Variants in HIVEP2 observed in about 807,000 individuals in gnomAD.
HIVEP2 encodes transcription factor HIVEP2.
Under a neutral mutation model 180.7 loss-of-function variants are expected in HIVEP2, and 14 were observed. The ratio of observed to expected loss-of-function variants is 0.08; its 90% confidence interval spans 0.05 to 0.12. The LOEUF (loss-of-function observed/expected upper bound fraction) is 0.12. Among genes scored for constraint, HIVEP2 ranks in the 10% least tolerant of loss-of-function variants. The pLI, the probability that HIVEP2 is intolerant of heterozygous loss-of-function variation, is 1.00. For missense variants in HIVEP2, 2,579 were observed against 3,008.5 expected, an observed-to-expected ratio of 0.86 and a Z score of 3.34; for synonymous variants, 1,184 against 1,136.4, an observed-to-expected ratio of 1.04 and a Z score of -0.84.
intron 2 of HIVEP2, among the ~76,000 whole-genome samples, chr6:142,797,154 T>C (rs1488906825): frequency 6.6e-6 from 1 of 152,150 alleles, no homozygotes; most frequent in East Asian, 1.9e-4. Flanking sequence ...TTTTTCTTTT[T>C]TTGATGTTTC....
rs140651676 is a variant in HIVEP2, at chr6:142,779,958, G to A, written c.-433+3563C>T. Among the ~76,000 whole-genome samples, 332 of 152,220 alleles carry A rather than the reference G, an allele frequency of 2.2e-3. 1 individual carries two copies. The highest frequency in any genetic ancestry group is 3.8e-3 in the Non-Finnish European group (256 of 68,006). On this transcript the variant is annotated intron_variant, in intron 3 of 9. Transcript: ENST00000367603. ...ATACCTCATGGTCAGAACAAAACAT[G>A]TCTAGACCATTAAGTTAATTGTTTA...
At position 142,760,546 on chromosome 6, in the gene HIVEP2, A is replaced by G. The variant is rs777569230; in HGVS notation, c.5742T>C (p.Asp1914=). The change falls in exon 9 of 10, where the codon GAT becomes GAC. Residue 1914 remains aspartate, a synonymous_variant. Transcript: ENST00000367603. ...DGEDGDDNDD[D]DEDEDDFDDQ... ...CGTCAAAGTCATCTTCATCTTCATC[A>G]TCATCATCATTATCATCTCCATCCT... 6.2e-7 allele frequency: 1 copy of G among 1,613,744 alleles called. No homozygotes were observed. Among genetic ancestry groups the G allele is most frequent in the African/African-American group, 1.3e-5 (1 of 74,898 alleles).
chr6:142,917,201 C>T (rs1232810754), intron 1 of HIVEP2, among the ~76,000 whole-genome samples: 1 of 152,176 alleles, frequency 6.6e-6, no homozygotes, highest in East Asian at 1.9e-4. Context: ...CTAACAGTTT[C>T]GTATGTGATG....
chr6:142,883,850 T>C (rs989521447), intron 1 of HIVEP2, among the ~76,000 whole-genome samples: 1 of 152,202 alleles, frequency 6.6e-6, no homozygotes, highest in Non-Finnish European at 1.5e-5. Context: ...GCTTTATCTT[T>C]TGCAAATTTC....
intron 1 of HIVEP2, among the ~76,000 whole-genome samples, chr6:142,904,277 A>G (rs1452666417): frequency 6.6e-6 from 1 of 152,190 alleles, no homozygotes; most frequent in Non-Finnish European, 1.5e-5. Flanking sequence ...TTATTTACCC[A>G]TCTGTTTTAT....
intron 3 of HIVEP2, among the ~76,000 whole-genome samples, chr6:142,780,333 C>T (rs1037338313): frequency 2.0e-5 from 3 of 152,190 alleles, no homozygotes; most frequent in Non-Finnish European, 4.4e-5. Context: ...CTCTGATCCA[C>T]AATGTCTAGT....
intron 1 of HIVEP2, among the ~76,000 whole-genome samples, chr6:142,862,056 A>G (rs979794626): frequency 2.0e-5 from 3 of 152,208 alleles, no homozygotes; most frequent in Non-Finnish European, 4.4e-5. Context: ...TTATAAAGTT[A>G]GAGTGGCACA....
intron 1 of HIVEP2, among the ~76,000 whole-genome samples, chr6:142,911,817 T>C (rs1174741446): frequency 2.0e-5 from 3 of 152,244 alleles, no homozygotes; most frequent in Non-Finnish European, 2.9e-5. Flanking sequence ...TATGTGTGCA[T>C]GCATGTAGAT....
intron 1 of HIVEP2, among the ~76,000 whole-genome samples, chr6:142,909,224 T>C (rs1407091847): frequency 6.6e-6 from 1 of 152,130 alleles, no homozygotes; most frequent in Non-Finnish European, 1.5e-5. Flanking sequence ...CAATTAACTA[T>C]AAAAGCATTA....
At chr6:142,925,376 C>T (rs1013586936) in intron 1 of HIVEP2, among the ~76,000 whole-genome samples, 4 of 152,132 alleles carry the variant, frequency 2.6e-5, no homozygotes, top group African/African-American at 7.2e-5. Context: ...TCTTAATCTC[C>T]AATTTTATTT....
At chr6:142,922,391 T>A (rs12201590) in intron 1 of HIVEP2, among the ~76,000 whole-genome samples, 6,824 of 152,284 alleles carry the variant, frequency 0.045, 207 homozygotes, top group Middle Eastern at 0.088. Context: ...CTATGATGTC[T>A]TTGGGGATAG....
rs1328579888 is a variant in HIVEP2, at chr6:142,793,186, A to C, written c.-527-9571T>G. On this transcript the variant is annotated intron_variant, in intron 2 of 9. Coordinates refer to ENST00000367603, the MANE Select transcript of HIVEP2 (RefSeq NM_006734.4). Reference sequence around the variant, plus strand: ...TCTTTTATTCTAAAATAAAACTCTTAAGATGATTAACTATAAGCTATTATG... The same window carrying C: ...TCTTTTATTCTAAAATAAAACTCTTCAGATGATTAACTATAAGCTATTATG... Among the ~76,000 whole-genome samples the C allele has an allele frequency of 2.0e-5, 3 of 152,326 alleles. No individual in the cohort carries two copies. The East Asian group carries it at 5.8e-4, about 29-fold the overall frequency.
Position 142,771,409 on chromosome 6 carries a change from G to T in HIVEP2, c.3330C>A (p.His1110Gln). The change falls in exon 5 of 10, where the codon CAC (histidine) becomes CAA (glutamine). Residue 1110 changes from histidine (H) to glutamine (Q), a missense_variant. Around this residue, in one of 11 missense-constraint regions of HIVEP2, gnomAD observed 523 missense variants for 577.0 expected, o/e 0.91. Coordinates refer to ENST00000367603, the MANE Select transcript of HIVEP2 (RefSeq NM_006734.4). This position sits in a 1 kb window ranked among gnomAD's most constrained non-coding sequence, Gnocchi z 5.4. ...ACCCGGACCGGAGGCCAGCATGCAG[G>T]TGCTCCAGCTGCTCTTGCTTCACGC... ...DQSVKQEQLE[H>Q]LHAGLRSGWH... is the part of the protein sequence containing the mutation. 6.2e-7 allele frequency: 1 copy of T among 1,613,380 alleles called. No homozygotes were observed. The highest frequency in any genetic ancestry group is 8.5e-7 in the Non-Finnish European group (1 of 1,180,002).
intron 1 of HIVEP2, among the ~76,000 whole-genome samples, chr6:142,901,925 A>C (rs1294324473): frequency 6.6e-6 from 1 of 152,244 alleles, no homozygotes; most frequent in East Asian, 1.9e-4. Flanking sequence ...ACTAAGCTAC[A>C]CACAATATTA....
In HIVEP2 at chr6:142,820,959, AT is replaced by A. The variant is rs113964006; in HGVS notation, c.-528+15975del. 1.2e-3 allele frequency among the ~76,000 whole-genome samples: 183 copies of A among 150,008 alleles called. 3 individuals carry two copies. Among genetic ancestry groups the A allele is most frequent in the African/African-American group, 3.6e-3 (147 of 40,922 alleles). On this transcript the variant is annotated intron_variant, in intron 2 of 9. Coordinates refer to ENST00000367603, the MANE Select transcript of HIVEP2 (RefSeq NM_006734.4). ...TTCAAGAAGAGAAACACTAACAAAC[AT>A]TTTTTTTTTCAAAACACAAGAATTC...
At chr6:142,839,225 T>C (rs1461624111) in intron 1 of HIVEP2, among the ~76,000 whole-genome samples, 2 of 152,018 alleles carry the variant, frequency 1.3e-5, no homozygotes, top group Non-Finnish European at 2.9e-5. Context: ...CCACATATAA[T>C]GAAAGGAAAA....
Position 142,834,863 on chromosome 6 carries a change from T to G in HIVEP2, c.-528+2072A>C, listed in dbSNP as rs573985499. Among the ~76,000 whole-genome samples, 5 of 152,260 alleles carry G rather than the reference T, an allele frequency of 3.3e-5. No homozygotes were observed. The East Asian group carries it at 9.6e-4, about 29-fold the overall frequency. On this transcript the variant is annotated intron_variant, in intron 2 of 9. Transcript: ENST00000367603. Reference sequence around the variant, plus strand: ...AAAAAAAAACCCTCATTTGGGCTAATGCACAGGGCCAGGTTCACTGATAAA... The same window carrying G: ...AAAAAAAAACCCTCATTTGGGCTAAGGCACAGGGCCAGGTTCACTGATAAA...
rs553880370 is a variant in HIVEP2, at chr6:142,905,842, G to T, written c.-641+39257C>A. Among the ~76,000 whole-genome samples, 151 of 152,296 alleles carry T rather than the reference G, an allele frequency of 9.9e-4. No homozygotes were observed. The Middle Eastern group carries it at 0.024, about 24-fold the overall frequency. Reference sequence around the variant, plus strand: ...TAGACCAAGAAGCAACATAAAAAATGATAATCAGTCCGGGCGTGGTGGCTC... The same window carrying T: ...TAGACCAAGAAGCAACATAAAAAATTATAATCAGTCCGGGCGTGGTGGCTC... On this transcript the variant is annotated intron_variant, in intron 1 of 9. Transcript: ENST00000367603.
intron 1 of HIVEP2, among the ~76,000 whole-genome samples, chr6:142,900,109 T>C (rs1777096150): frequency 6.6e-6 from 1 of 152,232 alleles, no homozygotes; most frequent in African/African-American, 2.4e-5. Context: ...TAGAGCAGAA[T>C]ATTCCATGTA....
Sources: allele counts gnomAD v4.1 joint callset (sites outside exome capture counted in the v4.1 genomes callset), GRCh38; gene constraint gnomAD v4.1.1; regional missense constraint gnomAD v4.1.1; non-coding constraint Gnocchi (gnomAD v3.1); transcripts MANE v1.5; gene names NCBI Gene and HGNC (gene_info 2026-07-23, HGNC 2026-07-21).